Variants in TPX2 observed in about 807,000 individuals in gnomAD.
TPX2 encodes the protein targeting protein for Xklp2.
A neutral mutation model predicts 93.6 loss-of-function variants in TPX2; 21 were observed. That is an observed-to-expected ratio of 0.22 (90% CI 0.16 to 0.32). TPX2 has a LOEUF of 0.32. Among genes scored for constraint, TPX2 ranks in the 10% least tolerant of loss-of-function variants. The pLI, the probability that TPX2 is intolerant of heterozygous loss-of-function variation, is 1.00. For missense variants in TPX2, 776 were observed against 871.1 expected (o/e 0.89, Z 1.37); for synonymous variants, 281 against 298.3 (o/e 0.94, Z 0.60).
At chr20:31,745,616 T>G (rs2061779649) in intron 2 of TPX2, among the ~76,000 whole-genome samples, 1 of 152,182 alleles carries the variant, frequency 6.6e-6, no homozygotes. Context: ...GCATGAGCCA[T>G]CTAATAAACA....
At position 31,794,545 on chromosome 20, in the gene TPX2, C is replaced by T; in HGVS notation, c.1830C>T (p.His610=). Reference sequence around the variant, plus strand: ...CTCTGAAGGCACAGACTTGGAAGCACCAGGTAGGGGATGGGGAGAGCAGCC... The same window carrying T: ...CTCTGAAGGCACAGACTTGGAAGCATCAGGTAGGGGATGGGGAGAGCAGCC... ...RGALKAQTWK[H]QLEEELRQQK... is the part of the protein sequence containing the mutation. Residue 610 remains histidine, a synonymous_variant, in exon 15 of 18, where the codon CAC becomes CAT. Transcript: ENST00000300403. 6.2e-7 allele frequency: 1 copy of T among 1,613,522 alleles called. No individual in the cohort carries two copies. Among genetic ancestry groups the T allele is most frequent in the Non-Finnish European group, 8.5e-7 (1 of 1,179,866 alleles).
At chr20:31,766,461 G>GTT in intron 4 of TPX2, 95 bp from the exon 5 acceptor site, 1 of 1,013,098 alleles carries the variant, frequency 9.9e-7, no homozygotes, top group South Asian at 1.6e-5. Flanking sequence ...CAGGGTGTGT[G>GTT]TGTGTGTGTG....
chr20:31,769,576 G>A (rs1380833296), intron 5 of TPX2, among the ~76,000 whole-genome samples: 2 of 151,840 alleles, frequency 1.3e-5, no homozygotes, highest in African/African-American at 2.4e-5. Context: ...CGCCTGCCTC[G>A]GCCTCCCAAA....
At chr20:31,781,774 C>G (rs1568598138) in intron 10 of TPX2, among the ~76,000 whole-genome samples, 1 of 151,798 alleles carries the variant, frequency 6.6e-6, no homozygotes, top group Non-Finnish European at 1.5e-5. Flanking sequence ...GAAACCCTGT[C>G]TCTACAAAGA....
Position 31,759,908 on chromosome 20 carries a change from T to G in TPX2, c.107-149T>G, listed in dbSNP as rs1466697830. 5.8e-6 allele frequency: 6 copies of G among 1,041,678 alleles called. No homozygotes were observed. The East Asian group carries it at 1.6e-4, about 28-fold the overall frequency. The allele number at this position is 1,041,678 out of a possible 1,614,324, so 64.5% of individuals were successfully genotyped here. A position where few individuals can be genotyped will look rare whatever the true frequency, so the allele number is the denominator to read the frequency against. On this transcript the variant is annotated intron_variant, in intron 3 of 17. Coordinates refer to ENST00000300403, the MANE Select transcript of TPX2 (RefSeq NM_012112.5). ...CTATCTCGGATGTGTAATGTGTACT[T>G]TTTCTTTTGATTGCTAGAACTTTGC...
intron 2 of TPX2, among the ~76,000 whole-genome samples, chr20:31,753,542 G>C (rs1022631602): frequency 6.6e-6 from 1 of 152,110 alleles, no homozygotes; most frequent in African/African-American, 2.4e-5. Flanking sequence ...AGACTGCAAA[G>C]GTTAGGTGTT....
At chr20:31,775,759 G>T in intron 7 of TPX2, 108 bp from the exon 8 acceptor site, 8 of 1,195,166 alleles carry the variant, frequency 6.7e-6, no homozygotes, top group Non-Finnish European at 8.5e-6. Context: ...TGGTTTTGAT[G>T]ATTATCTTAT....
At chr20:31,771,441 G>A in intron 6 of TPX2, 119 bp from the exon 7 acceptor site, 1 of 1,289,710 alleles carries the variant, frequency 7.8e-7, no homozygotes, top group Non-Finnish European at 1.0e-6. Context: ...TGTGGTCGAA[G>A]CATGCTTGTT....
intron 2 of TPX2, among the ~76,000 whole-genome samples, chr20:31,749,237 C>T (rs79915535): frequency 0.027 from 4,039 of 152,168 alleles, 185 homozygotes; most frequent in African/African-American, 0.089. Flanking sequence ...TGAGCCACCG[C>T]GCCCAGCTTA....
rs771159163 is a variant in TPX2, at chr20:31,770,351, T to G, written c.365T>G (p.Leu122Arg). ...CAATTTCTCTACCATAGAAGATCTC[T>G]TAGGCTTTCTGCTCAGAAGGATTTG... is the stretch of plus-strand genomic sequence containing the variant. ...KTPAQPQRRSLRLSAQKDLEQ... is the reference protein window; with the variant it reads ...KTPAQPQRRSRRLSAQKDLEQ... Residue 122 changes from leucine to arginine, a missense_variant, in exon 6 of 18, where the codon CTT (leucine) becomes CGT (arginine). Coordinates refer to ENST00000300403, the MANE Select transcript of TPX2 (RefSeq NM_012112.5). 2 of 1,583,532 alleles carry G rather than the reference T, an allele frequency of 1.3e-6. No individual in the cohort carries two copies. Among genetic ancestry groups the G allele is most frequent in the Non-Finnish European group, 8.6e-7 (1 of 1,166,206 alleles).
Position 31,757,409 on chromosome 20 carries a change from G to A in TPX2, c.-68G>A. On this transcript the variant is annotated splice_region_variant and 5_prime_UTR_variant, in exon 3 of 18. Transcript: ENST00000300403. ...TGTGCAACCATTTCTTTCCTCAGAA[G>A]GTGACCTGCTGAGAAAAGTGGTACA... The A allele has an allele frequency of 7.8e-7, 1 of 1,280,158 alleles. No individual in the cohort carries two copies. The allele number at this position is 1,280,158 out of a possible 1,614,324, so 79.3% of individuals were successfully genotyped here. A position where few individuals can be genotyped will look rare whatever the true frequency, so the allele number is the denominator to read the frequency against.
At chr20:31,784,273 G>A (rs1179319865) in intron 12 of TPX2, among the ~76,000 whole-genome samples, 1 of 152,182 alleles carries the variant, frequency 6.6e-6, no homozygotes, top group Non-Finnish European at 1.5e-5. Context: ...AATAGTTATT[G>A]TGTTGCTATT....
intron 12 of TPX2, among the ~76,000 whole-genome samples, chr20:31,790,051 A>G (rs1324314695): frequency 6.6e-6 from 1 of 152,160 alleles, no homozygotes; most frequent in Non-Finnish European, 1.5e-5. Flanking sequence ...CTTGCTCACT[A>G]TTTGTCTCTC....
chr20:31,800,038 G>A (rs1440743211), intron 17 of TPX2, among the ~76,000 whole-genome samples: 1 of 152,148 alleles, frequency 6.6e-6, no homozygotes, highest in East Asian at 1.9e-4. Context: ...CGTGAGCCCA[G>A]GAGTTCAAGA....
chr20:31,775,991 G>A lies in TPX2; in HGVS notation c.730+3G>A, dbSNP rs1049436364. Reference sequence around the variant, plus strand: ...GAAACTTGCTCTGGCTGGAATAGGTGAGCTTGGCTGTGGTTGAGTCTGATT... The same window carrying A: ...GAAACTTGCTCTGGCTGGAATAGGTAAGCTTGGCTGTGGTTGAGTCTGATT... On this transcript the variant is annotated splice_donor_region_variant and intron_variant, in intron 8 of 17. Transcript: ENST00000300403. The A allele has an allele frequency of 8.0e-6, 12 of 1,496,946 alleles. No individual in the cohort carries two copies. The highest frequency in any genetic ancestry group is 1.1e-5 in the Non-Finnish European group (12 of 1,114,066). The allele number at this position is 1,496,946 out of a possible 1,614,324, so 92.7% of individuals were successfully genotyped here. A position where few individuals can be genotyped will look rare whatever the true frequency, so the allele number is the denominator to read the frequency against.
rs41293102 is a variant in TPX2 at position 31,783,692 on chromosome 20, T to C, written c.1197-13T>C. The C allele has an allele frequency of 2.5e-6, 4 of 1,580,404 alleles. No homozygotes were observed. Among genetic ancestry groups the C allele is most frequent in the African/African-American group, 1.4e-5 (1 of 72,554 alleles). On this transcript the variant is annotated splice_polypyrimidine_tract_variant and intron_variant, in intron 11 of 17. Coordinates refer to ENST00000300403, the MANE Select transcript of TPX2 (RefSeq NM_012112.5). ...AAATTTTTTTTGTGGTTATTTAAAT[T>C]TTCACCTTACAGATACAAATTCAAA...
At chr20:31,759,329 A>G (rs1292485412) in intron 3 of TPX2, among the ~76,000 whole-genome samples, 2 of 151,782 alleles carry the variant, frequency 1.3e-5, no homozygotes, top group African/African-American at 4.8e-5. Flanking sequence ...ACTGAGGAGG[A>G]AACTCTGTAA....
intron 16 of TPX2, 150 bp downstream of exon 16, chr20:31,797,665 T>C: frequency 1.5e-6 from 1 of 654,712 alleles, no homozygotes; most frequent in South Asian, 2.2e-5. Flanking sequence ...GACCCAGTTT[T>C]TTGCCTTTAT....
intron 8 of TPX2, among the ~76,000 whole-genome samples, chr20:31,777,206 C>T (rs1008996770): frequency 1.3e-5 from 2 of 152,176 alleles, no homozygotes; most frequent in African/African-American, 4.8e-5. Context: ...TCTTTTTCTC[C>T]ATAGCTATGA....
Sources: gnomAD v4.1 joint callset for allele counts (sites outside exome capture counted in the v4.1 genomes callset) on GRCh38, gnomAD v4.1.1 for gene constraint, MANE v1.5 for transcripts, NCBI Gene and HGNC (gene_info 2026-07-23, HGNC 2026-07-21) for gene names.